MEIS2: variants seen among roughly 807,000 people sequenced by gnomAD.
MEIS2 encodes the protein homeobox protein Meis2.
In MEIS2, 9 loss-of-function variants were observed where a neutral mutation model predicts 58.6. That is an observed-to-expected ratio of 0.15 (90% CI 0.09 to 0.27). The LOEUF is 0.27. MEIS2 is among the 10% of genes least tolerant of loss of function. MEIS2 has a pLI of 1.00. For missense variants in MEIS2, 427 were observed against 635.0 expected (o/e 0.67, Z 3.52); for synonymous variants, 221 against 228.4 (o/e 0.97, Z 0.29).
At chr15:36,988,579 T>A (rs1463799800) in intron 8 of MEIS2, among the ~76,000 whole-genome samples, 1 of 152,178 alleles carries the variant, frequency 6.6e-6, no homozygotes, top group Non-Finnish European at 1.5e-5. Flanking sequence ...CAGGATAGAA[T>A]ACCTTAAGGC....
chr15:37,084,736 T>C (rs1892672319), intron 6 of MEIS2, among the ~76,000 whole-genome samples: 1 of 152,176 alleles, frequency 6.6e-6, no homozygotes, highest in African/African-American at 2.4e-5. Flanking sequence ...CCTCCTCCCT[T>C]TTCCTGATCA....
intron 7 of MEIS2, among the ~76,000 whole-genome samples, chr15:37,061,007 A>G (rs1889135407): frequency 6.6e-6 from 1 of 152,232 alleles, no homozygotes. Context: ...AACTCTCTAC[A>G]GAGAATACAT....
chr15:36,949,290 A>C (rs1174599913), intron 9 of MEIS2, among the ~76,000 whole-genome samples: 5 of 152,108 alleles, frequency 3.3e-5, no homozygotes, highest in Admixed American at 6.6e-5. Flanking sequence ...AATGAGAAAA[A>C]AATGAATCAC....
At chr15:36,956,521 T>G (rs928610083) in intron 8 of MEIS2, among the ~76,000 whole-genome samples, 1 of 152,168 alleles carries the variant, frequency 6.6e-6, no homozygotes, top group Non-Finnish European at 1.5e-5. Context: ...CTGTTTGCAT[T>G]AAAGATGGAA....
chr15:36,922,674 G>A (rs972821417), intron 9 of MEIS2, among the ~76,000 whole-genome samples: 2 of 144,334 alleles, frequency 1.4e-5, no homozygotes, highest in Non-Finnish European at 3.0e-5. Context: ...AAGCTGGAGT[G>A]CAGTGGTGTG....
intron 8 of MEIS2, among the ~76,000 whole-genome samples, chr15:36,976,274 C>T (rs1442007014): frequency 3.3e-5 from 5 of 151,462 alleles, no homozygotes; most frequent in African/African-American, 1.2e-4. Context: ...TTAGTAGAGA[C>T]GGGGTTTCAC....
intron 7 of MEIS2, among the ~76,000 whole-genome samples, chr15:37,041,484 A>C (rs1376856566): frequency 1.3e-5 from 2 of 152,208 alleles, no homozygotes; most frequent in African/African-American, 2.4e-5. Context: ...GAAGTCACGC[A>C]TGCTTTCCTT....
At chr15:37,036,626 C>A in intron 8 of MEIS2, 188 bp downstream of exon 8, 1 of 517,328 alleles carries the variant, frequency 1.9e-6, no homozygotes, top group Non-Finnish European at 3.2e-6. Flanking sequence ...AAACCTGCTA[C>A]TTTCTAGAGG....
At chr15:37,045,689 C>G (rs2062634139) in intron 7 of MEIS2, among the ~76,000 whole-genome samples, 1 of 152,154 alleles carries the variant, frequency 6.6e-6, no homozygotes, top group South Asian at 2.1e-4. Context: ...CTGCTAATTA[C>G]TGATCTCTTT....
intron 7 of MEIS2, among the ~76,000 whole-genome samples, chr15:37,082,031 T>C (rs546765935): frequency 1.3e-5 from 2 of 152,198 alleles, no homozygotes; most frequent in Non-Finnish European, 2.9e-5. Context: ...GGCCCTTTCT[T>C]GCTATCTCCC....
chr15:37,066,527 T>C lies in MEIS2; in HGVS notation c.754+17244A>G, dbSNP rs1053526532. On this transcript the variant is annotated intron_variant, in intron 7 of 11. Coordinates refer to ENST00000561208, the MANE Select transcript of MEIS2 (RefSeq NM_170675.5). ...ACTTCATCTGGAAAATGGGGATAAA[T>C]CTGAAAAATTCTGGGGGAATCAAAC... 49 of 152,124 alleles carry C rather than the reference T, an allele frequency of 3.2e-4. 1 individual carries two copies. The highest frequency in any genetic ancestry group is 1.1e-3 in the African/African-American group (46 of 41,410). 9.4% of individuals were successfully genotyped at this position (152,124 alleles called of 1,614,324 possible).
rs555429178 is a variant in MEIS2, at chr15:37,057,898, G to A, written c.755-20939C>T. On this transcript the variant is annotated intron_variant, in intron 7 of 11. Transcript: ENST00000561208. Reference sequence around the variant, plus strand: ...GTTAGAGAACGCCTATTAACCACACGGGCGTGGAGTGTAACCATATATAAA... The same window carrying A: ...GTTAGAGAACGCCTATTAACCACACAGGCGTGGAGTGTAACCATATATAAA... 3.3e-5 allele frequency among the ~76,000 whole-genome samples: 5 copies of A among 152,166 alleles called. No individual in the cohort carries two copies. The South Asian group carries it at 8.3e-4, about 25-fold the overall frequency.
rs370323730 is a variant in MEIS2 at position 36,946,456 on chromosome 15, A to G, written c.977+3868T>C. On this transcript the variant is annotated intron_variant, in intron 9 of 11. Coordinates refer to ENST00000561208, the MANE Select transcript of MEIS2 (RefSeq NM_170675.5). The stretch of plus-strand genomic sequence containing the variant: ...AAAAAAAACTATCATCTGAGAAGCT[A>G]CAAAAGTCTATCTTTGTTTAATACA... Among the ~76,000 whole-genome samples, 6 of 151,718 alleles carry G rather than the reference A, an allele frequency of 4.0e-5. No individual in the cohort carries two copies. In the East Asian group the frequency reaches 5.8e-4, roughly 15 times the overall value.
intron 10 of MEIS2, 124 bp downstream of exon 10, chr15:36,896,504 T>TAA (rs397941848): frequency 1.8e-4 from 107 of 597,116 alleles, no homozygotes; most frequent in African/African-American, 8.6e-4. Context: ...CTGGGGACAT[T>TAA]AAAAAAAAAA....
chr15:37,086,506 G>C (rs539536974), intron 6 of MEIS2, among the ~76,000 whole-genome samples: 1 of 152,148 alleles, frequency 6.6e-6, no homozygotes, highest in Non-Finnish European at 1.5e-5. Flanking sequence ...TTGGGTCTTT[G>C]GTTTTCTGCC....
chr15:36,925,010 G>A (rs972999561), intron 9 of MEIS2, among the ~76,000 whole-genome samples: 2 of 152,176 alleles, frequency 1.3e-5, no homozygotes, highest in South Asian at 4.2e-4. Context: ...CTGCAAGACC[G>A]CCCGGGCAGC....
chr15:36,953,974 G>A (rs527619054), intron 8 of MEIS2, among the ~76,000 whole-genome samples: 2 of 152,242 alleles, frequency 1.3e-5, no homozygotes, highest in South Asian at 2.1e-4. Context: ...ACCCCTCTGT[G>A]ATGATATCCA....
intron 9 of MEIS2, among the ~76,000 whole-genome samples, chr15:36,949,945 G>T (rs2058697965): frequency 6.6e-6 from 1 of 151,916 alleles, no homozygotes; most frequent in African/African-American, 2.4e-5. Flanking sequence ...TCCAGAACTG[G>T]TAACTCCGTA....
intron 8 of MEIS2, among the ~76,000 whole-genome samples, chr15:36,988,731 C>T (rs2060173597): frequency 6.6e-6 from 1 of 152,184 alleles, no homozygotes; most frequent in South Asian, 2.1e-4. Context: ...GAAGATAACT[C>T]TTTTCTGTCT....
Sources: gnomAD v4.1 joint callset for allele counts (sites outside exome capture counted in the v4.1 genomes callset) on GRCh38, gnomAD v4.1.1 for gene constraint, MANE v1.5 for transcripts, NCBI Gene and HGNC (gene_info 2026-07-23, HGNC 2026-07-21) for gene names.